STEEP1: variants seen among roughly 807,000 people sequenced by gnomAD.
The protein encoded by STEEP1 is STING ER exit protein.
In STEEP1, 3 loss-of-function variants were observed where a neutral mutation model predicts 19.2. That is an observed-to-expected ratio of 0.16 (90% CI 0.07 to 0.40). The LOEUF (loss-of-function observed/expected upper bound fraction) is 0.40, where lower values mean the gene tolerates loss of function less well. Ranked by LOEUF, STEEP1 falls within the 10% of genes least tolerant of loss-of-function variation. The probability of loss-of-function intolerance (pLI) is 0.99; values close to 1 mark genes in which losing one functional copy is unlikely to be tolerated. For missense variants in STEEP1, 54 were observed against 177.1 expected (o/e 0.30, Z 3.94); for synonymous variants, 46 against 63.7 (o/e 0.72, Z 1.32).
rs758702344 is a variant in STEEP1 at position 119,546,944 on chromosome X, A to G, written c.243-1440T>C. Among the ~76,000 whole-genome samples the G allele has an allele frequency of 3.6e-5, 4 of 111,095 alleles. No individual in the cohort carries two copies. The South Asian group carries it at 1.5e-3, about 42-fold the overall frequency. Reference sequence around the variant, plus strand: ...GTTTCAACTTTGTAATAGGCAATATATGCATATGGTATACATAAGAGTATA... The same window carrying G: ...GTTTCAACTTTGTAATAGGCAATATGTGCATATGGTATACATAAGAGTATA... On this transcript the variant is annotated intron_variant, in intron 2 of 6. Transcript: ENST00000644802.
At position 119,550,041 on chromosome X, in the gene STEEP1, G is replaced by A. The variant is rs750779245; in HGVS notation, c.243-4537C>T. 1.7e-3 allele frequency among the ~76,000 whole-genome samples: 192 copies of A among 112,348 alleles called. 1 individual carries two copies. The highest frequency in any genetic ancestry group is 6.0e-3 in the African/African-American group (186 of 30,993). ...AGAAATGTCCACTGAAAACTAAAAAGTATTACCAAAAGAAATTAAAGAAGA... is the reference window on the plus strand; with the variant it reads ...AGAAATGTCCACTGAAAACTAAAAAATATTACCAAAAGAAATTAAAGAAGA... On this transcript the variant is annotated intron_variant, in intron 2 of 6. Transcript: ENST00000644802.
intron 4 of STEEP1, chrX:119,542,894 G>A (rs2053174067): frequency 6.4e-6 from 1 of 155,998 alleles, no homozygotes; most frequent in Admixed American, 8.5e-5. Context: ...TCAAACTCCT[G>A]GGCTCAAGTG....
rs1385154131 is a variant in STEEP1 at position 119,538,601 on chromosome X, T to C, written c.*1126A>G. Reference sequence around the variant, plus strand: ...GGGGTATGCCGCCACACCTGGCTAATTTCTTTTGTATTTTAGTAGAGACAG... The same window carrying C: ...GGGGTATGCCGCCACACCTGGCTAACTTCTTTTGTATTTTAGTAGAGACAG... On this transcript the variant is annotated 3_prime_UTR_variant, in exon 7 of 7. Coordinates refer to ENST00000644802, the MANE Select transcript of STEEP1 (RefSeq NM_022101.4). 9.1e-6 allele frequency: 1 copy of C among 109,691 alleles called. No individual in the cohort carries two copies. Among genetic ancestry groups the C allele is most frequent in the African/African-American group, 3.3e-5 (1 of 30,126 alleles). The allele number at this position is 109,691 out of a possible 1,213,427, so 9.0% of individuals were successfully genotyped here.
At chrX:119,553,553 T>A (rs1410191823) in intron 2 of STEEP1, among the ~76,000 whole-genome samples, 1 of 111,650 alleles carries the variant, frequency 9.0e-6, no homozygotes. Flanking sequence ...GTGCTGACCA[T>A]CATCTTTAAT....
At chrX:119,551,008 A>G (rs1412414270) in intron 2 of STEEP1, among the ~76,000 whole-genome samples, 1 of 111,867 alleles carries the variant, frequency 8.9e-6, no homozygotes, top group African/African-American at 3.2e-5. Flanking sequence ...GAAGAAAAAA[A>G]TCAGATATAT....
chrX:119,542,996 G>T (rs1407765859), intron 4 of STEEP1, among the ~76,000 whole-genome samples: 1 of 11,090 alleles, frequency 9.0e-5, no homozygotes, highest in Non-Finnish European at 1.4e-4. Context: ...ACTGGGTCTC[G>T]CAAAAAAAAA....
At chrX:119,546,774 T>C (rs1271504817) in intron 2 of STEEP1, among the ~76,000 whole-genome samples, 1 of 111,292 alleles carries the variant, frequency 9.0e-6, no homozygotes, top group African/African-American at 3.3e-5. Context: ...GCAAATTCTA[T>C]GGATTTTTAT....
Position 119,560,261 on chromosome X carries a change from C to CTCCCTGTATGTA in STEEP1, c.242+6_242+7insTACATACAGGGA. ...GAAATCCTAAACAGGGAGCATCAAC[C>CTCCCTGTATGTA]TCTTACCTCCGCAGATACATAGTCT... is the stretch of plus-strand genomic sequence containing the variant. On this transcript the variant is annotated splice_region_variant and intron_variant, in intron 2 of 6. Coordinates refer to ENST00000644802, the MANE Select transcript of STEEP1 (RefSeq NM_022101.4). 1 of 1,158,665 alleles carries CTCCCTGTATGTA rather than the reference C, an allele frequency of 8.6e-7. No homozygotes were observed.
At chrX:119,541,904 G>A (rs1003871867) in intron 5 of STEEP1, among the ~76,000 whole-genome samples, 1 of 111,399 alleles carries the variant, frequency 9.0e-6, no homozygotes, top group African/African-American at 3.3e-5. Context: ...AGAGGGATGA[G>A]CACTTTGCCC....
At chrX:119,564,945 T>C (rs2053346635) in intron 1 of STEEP1, among the ~76,000 whole-genome samples, 1 of 110,528 alleles carries the variant, frequency 9.0e-6, no homozygotes, top group Admixed American at 9.7e-5. Flanking sequence ...TTGAAGACAG[T>C]GGATTAAGAG....
intron 4 of STEEP1, 109 bp downstream of exon 4, chrX:119,544,244 T>A: frequency 1.8e-6 from 1 of 548,749 alleles, no homozygotes; most frequent in East Asian, 3.7e-5. Flanking sequence ...GAAAAAGAAA[T>A]AAAAAGAATA....
intron 1 of STEEP1, among the ~76,000 whole-genome samples, chrX:119,562,853 A>G (rs1404235536): frequency 8.9e-6 from 1 of 112,080 alleles, no homozygotes; most frequent in Non-Finnish European, 1.9e-5. Context: ...TAAGGTAATC[A>G]GGGAAGGGTT....
chrX:119,564,353 G>A (rs182271947), intron 1 of STEEP1, among the ~76,000 whole-genome samples: 12 of 110,109 alleles, frequency 1.1e-4, no homozygotes, highest in African/African-American at 4.0e-4. Context: ...AAAATTAGCC[G>A]GGCATGGTGG....
intron 2 of STEEP1, among the ~76,000 whole-genome samples, chrX:119,553,187 C>A (rs902192973): frequency 2.0e-5 from 2 of 101,284 alleles, no homozygotes; most frequent in African/African-American, 3.5e-5. Context: ...GAAACGAAAT[C>A]TCTGAGGGTA....
At chrX:119,556,520 T>G (rs1450020910) in intron 2 of STEEP1, among the ~76,000 whole-genome samples, 2 of 107,603 alleles carry the variant, frequency 1.9e-5, no homozygotes, top group Non-Finnish European at 3.8e-5. Flanking sequence ...GAGGCGGAGC[T>G]TGCAGTGAGC....
chrX:119,550,721 C>T (rs775753612), intron 2 of STEEP1, among the ~76,000 whole-genome samples: 2 of 111,965 alleles, frequency 1.8e-5, no homozygotes, highest in African/African-American at 6.5e-5. Flanking sequence ...TACAGTGGCA[C>T]GATCTTGGCT....
At position 119,560,265 on chromosome X, in the gene STEEP1, T is replaced by C. The variant is rs56158651; in HGVS notation, c.242+3A>G. On this transcript the variant is annotated splice_donor_region_variant and intron_variant, in intron 2 of 6. Coordinates refer to ENST00000644802, the MANE Select transcript of STEEP1 (RefSeq NM_022101.4). ...TCCTAAACAGGGAGCATCAACCTCTTACCTCCGCAGATACATAGTCTCCTC... is the reference window on the plus strand; with the variant it reads ...TCCTAAACAGGGAGCATCAACCTCTCACCTCCGCAGATACATAGTCTCCTC... 1.1e-4 allele frequency: 123 copies of C among 1,170,398 alleles called. 1 individual carries two copies. Among genetic ancestry groups the C allele is most frequent in the Non-Finnish European group, 1.4e-4 (118 of 859,108 alleles).
chrX:119,543,924 T>C (rs1321420040), intron 4 of STEEP1, among the ~76,000 whole-genome samples: 1 of 112,407 alleles, frequency 8.9e-6, no homozygotes, highest in East Asian at 2.8e-4. Context: ...ATTTCTAACC[T>C]TAGTCATGAG....
chrX:119,558,072 C>A (rs1224286860), intron 2 of STEEP1, among the ~76,000 whole-genome samples: 2 of 110,127 alleles, frequency 1.8e-5, no homozygotes, highest in African/African-American at 3.3e-5. Flanking sequence ...CCATGCCCAA[C>A]TAATTTTTGT....
Sources: gnomAD v4.1 joint callset for allele counts (sites outside exome capture counted in the v4.1 genomes callset) on GRCh38, gnomAD v4.1.1 for gene constraint, MANE v1.5 for transcripts, NCBI Gene and HGNC (gene_info 2026-07-23, HGNC 2026-07-21) for gene names.